The following RBFOX1 variants were observed in gnomAD, a reference collection of about 807,000 sequenced individuals.
The protein encoded by RBFOX1 is RNA binding protein fox-1 homolog 1.
In RBFOX1, 8 loss-of-function variants were observed where a neutral mutation model predicts 57.7. The observed-to-expected ratio is 0.14, with a 90% CI of 0.08 to 0.25. The LOEUF is 0.25. Among genes scored for constraint, RBFOX1 ranks in the 10% least tolerant of loss-of-function variants. RBFOX1 has a pLI of 1.00. For missense variants in RBFOX1, 611 were observed against 548.5 expected (o/e 1.11, Z -1.14); for synonymous variants, 326 against 222.4 (o/e 1.47, Z -4.15).
intron 2 of RBFOX1, among the ~76,000 whole-genome samples, chr16:6,445,490 C>T (rs2795571): frequency 0.55 from 83,088 of 150,842 alleles, 23,080 homozygotes; most frequent in East Asian, 0.65. Flanking sequence ...CTGCAAAGAG[C>T]TGGTATAGAA....
intron 1 of RBFOX1, among the ~76,000 whole-genome samples, chr16:5,412,385 A>T (rs1317543099): frequency 6.6e-6 from 1 of 152,240 alleles, no homozygotes; most frequent in Admixed American, 6.5e-5. Context: ...ATCACTAATG[A>T]TATTTTTCTT....
At chr16:6,040,570 TTC>T (rs998271459) in intron 1 of RBFOX1, among the ~76,000 whole-genome samples, 30 of 150,084 alleles carry the variant, frequency 2.0e-4, no homozygotes, top group African/African-American at 5.5e-4. Context: ...CTTTCTTTCT[TTC>T]TCTCTCTCTC....
chr16:5,623,623 C>T (rs559841441), intron 3 of RBFOX1, among the ~76,000 whole-genome samples: 1 of 151,286 alleles, frequency 6.6e-6, no homozygotes, highest in African/African-American at 2.4e-5. Context: ...TTCTTTTGTT[C>T]CCGCTACACT....
chr16:6,396,925 C>T (rs1353219261), intron 2 of RBFOX1, among the ~76,000 whole-genome samples: 1 of 151,910 alleles, frequency 6.6e-6, no homozygotes, highest in African/African-American at 2.4e-5. Context: ...TTTGAAATGA[C>T]AGTTTTACTA....
intron 1 of RBFOX1, among the ~76,000 whole-genome samples, chr16:6,130,693 A>C (rs1486568423): frequency 6.6e-6 from 1 of 152,178 alleles, no homozygotes; most frequent in Non-Finnish European, 1.5e-5. Context: ...TATATCCCAT[A>C]TGAATAGTAA....
intron 11 of RBFOX1, among the ~76,000 whole-genome samples, chr16:7,652,360 T>A (rs1011370381): frequency 2.7e-5 from 4 of 149,938 alleles, no homozygotes; most frequent in African/African-American, 1.0e-4. Context: ...CCTCCTCACC[T>A]CCTCATCTTG....
intron 4 of RBFOX1, among the ~76,000 whole-genome samples, chr16:7,338,522 G>A (rs1402528930): frequency 9.2e-5 from 14 of 152,022 alleles, no homozygotes; most frequent in Admixed American, 9.2e-4. Flanking sequence ...CTGAGTAGCT[G>A]GAACTACAGA....
chr16:7,064,130 G>T (rs964206048), intron 4 of RBFOX1, among the ~76,000 whole-genome samples: 26 of 150,130 alleles, frequency 1.7e-4, no homozygotes, highest in African/African-American at 5.9e-4. Flanking sequence ...GAGTCCATAA[G>T]CGTGGGCCCT....
intron 4 of RBFOX1, among the ~76,000 whole-genome samples, chr16:7,328,477 C>CAAAAAAA (rs58553232): frequency 3.0e-4 from 18 of 60,712 alleles, no homozygotes; most frequent in African/African-American, 7.4e-4. Flanking sequence ...GACTCTGTCT[C>CAAAAAAA]AAAAAAAAAA....
chr16:6,680,419 C>A (rs921742774), intron 3 of RBFOX1, among the ~76,000 whole-genome samples: 1 of 151,928 alleles, frequency 6.6e-6, no homozygotes, highest in Non-Finnish European at 1.5e-5. Flanking sequence ...CCTGCCACCA[C>A]ACCTGGCTAA....
At chr16:7,066,609 G>T (rs1443678851) in intron 4 of RBFOX1, among the ~76,000 whole-genome samples, 1 of 152,140 alleles carries the variant, frequency 6.6e-6, no homozygotes, top group African/African-American at 2.4e-5. Context: ...CATAAAGCGG[G>T]GGGTGTTTTT....
intron 1 of RBFOX1, among the ~76,000 whole-genome samples, chr16:6,311,067 C>G (rs531508467): frequency 2.0e-5 from 3 of 151,820 alleles, no homozygotes; most frequent in Non-Finnish European, 1.5e-5. Flanking sequence ...GAGGCCAAGG[C>G]GGGCAAATCA....
At chr16:6,414,250 T>C (rs1306810076) in intron 2 of RBFOX1, among the ~76,000 whole-genome samples, 1 of 152,220 alleles carries the variant, frequency 6.6e-6, no homozygotes, top group Non-Finnish European at 1.5e-5. Context: ...CTGCCTGAAT[T>C]GATAAGTCAA....
intron 4 of RBFOX1, among the ~76,000 whole-genome samples, chr16:7,078,887 T>C (rs1598879262): frequency 6.9e-6 from 1 of 143,976 alleles, no homozygotes; most frequent in East Asian, 2.0e-4. Context: ...TTTTTTTTTT[T>C]TTAGTGAAGA....
At chr16:6,976,286 A>ATT (rs1191050829) in intron 3 of RBFOX1, among the ~76,000 whole-genome samples, 1 of 152,144 alleles carries the variant, frequency 6.6e-6, no homozygotes, top group Non-Finnish European at 1.5e-5. Context: ...GAGAACAAGA[A>ATT]TTTGAACACA....
chr16:6,419,953 A>G (rs1265201174), intron 2 of RBFOX1, among the ~76,000 whole-genome samples: 2 of 152,152 alleles, frequency 1.3e-5, no homozygotes, highest in Non-Finnish European at 2.9e-5. Flanking sequence ...AGGCCCCCCC[A>G]TCCCTTCCCT....
At chr16:7,438,692 G>C (rs973873101) in intron 4 of RBFOX1, among the ~76,000 whole-genome samples, 1 of 152,196 alleles carries the variant, frequency 6.6e-6, no homozygotes, top group Non-Finnish European at 1.5e-5. Flanking sequence ...ACGTGCTAAA[G>C]TCGGCTTCAG....
At chr16:6,488,136 G>A (rs185589269) in intron 2 of RBFOX1, among the ~76,000 whole-genome samples, 6 of 152,182 alleles carry the variant, frequency 3.9e-5, no homozygotes, top group African/African-American at 1.4e-4. Context: ...ACCCCTAAAG[G>A]GCTGTATATG....
rs193053639 is a variant in RBFOX1 at position 7,594,856 on chromosome 16, G to A, written c.469-693G>A. Among the ~76,000 whole-genome samples, 121 of 152,320 alleles carry A rather than the reference G, an allele frequency of 7.9e-4. 1 individual carries two copies. The highest frequency in any genetic ancestry group is 2.7e-3 in the African/African-American group (113 of 41,568). ...GCAATTTGAAGAGTGGGGAAAGTAT[G>A]AGCACAAACATTGAATTGTTTGTAT... On this transcript the variant is annotated intron_variant, in intron 7 of 15. Transcript: ENST00000550418.
Sources: allele counts gnomAD v4.1 joint callset (sites outside exome capture counted in the v4.1 genomes callset), GRCh38; gene constraint gnomAD v4.1.1; transcripts MANE v1.5; gene names NCBI Gene and HGNC (gene_info 2026-07-23, HGNC 2026-07-21).